The following POLH variants were observed in gnomAD, a reference collection of about 807,000 sequenced individuals.
POLH encodes DNA polymerase eta transcript.
A neutral mutation model predicts 73.6 loss-of-function variants in POLH; 53 were observed. The ratio of observed to expected loss-of-function variants is 0.72; its 90% CI spans 0.58 to 0.91. The LOEUF is 0.91. POLH is among the 40% of genes least tolerant of loss of function. POLH has a pLI of 0.00. For synonymous variants in POLH, 292 were observed against 308.5 expected (o/e 0.95, Z 0.56); for missense variants, 768 against 865.4 (o/e 0.89, Z 1.41).
At chr6:43,585,343 T>C (rs892577695) in intron 3 of POLH, among the ~76,000 whole-genome samples, 5 of 152,148 alleles carry the variant, frequency 3.3e-5, no homozygotes, top group South Asian at 2.1e-4. Flanking sequence ...GATTAAACCA[T>C]TGGCTATGGG....
rs559520159 is a variant in POLH at position 43,596,211 on chromosome 6, CGGT to C, written c.491-1482_491-1480del. Among the ~76,000 whole-genome samples, 571 of 152,242 alleles carry C rather than the reference CGGT, an allele frequency of 3.8e-3. 2 individuals carry two copies. Among genetic ancestry groups the C allele is most frequent in the Non-Finnish European group, 5.3e-3 (362 of 68,014 alleles). ...TTAAGGGGTAAGAGCTTGCCAGGCG[CGGT>C]GGCTCAGGCCTGTAATCCCAGCACT... On this transcript the variant is annotated intron_variant, in intron 4 of 10. Transcript: ENST00000372236.
Position 43,613,769 on chromosome 6 carries a change from C to A in POLH, c.1354C>A (p.Pro452Thr). The A allele has an allele frequency of 6.2e-7, 1 of 1,613,816 alleles. No individual in the cohort carries two copies. Among genetic ancestry groups the A allele is most frequent in the South Asian group, 1.1e-5 (1 of 91,058 alleles). Residue 452 changes from proline to threonine, a missense_variant, in exon 11 of 11, where the codon CCA becomes ACA. Pro to Thr is a conservative substitution (Grantham distance 38, BLOSUM62 -1). Transcript: ENST00000372236. The stretch of plus-strand genomic sequence containing the variant: ...CTTGAGCAGTGACCCAAGTTCTCTG[C>A]CAAAGGTGCCAGTTACCAGCTCAGA... ...SFLSSDPSSL[P>T]KVPVTSSEAK...
At chr6:43,595,376 C>T (rs1322395509) in intron 4 of POLH, among the ~76,000 whole-genome samples, 1 of 151,974 alleles carries the variant, frequency 6.6e-6, no homozygotes, top group Admixed American at 6.6e-5. Context: ...ACCTTGTGAT[C>T]TGCCTGCCTT....
At chr6:43,577,103 C>T (rs190821244) in intron 1 of POLH, among the ~76,000 whole-genome samples, 24 of 152,212 alleles carry the variant, frequency 1.6e-4, no homozygotes, top group African/African-American at 5.1e-4. Context: ...CGCTTGAACC[C>T]GGGAGGCGGA....
intron 4 of POLH, among the ~76,000 whole-genome samples, chr6:43,591,569 T>G (rs1765463200): frequency 6.6e-6 from 1 of 152,196 alleles, no homozygotes; most frequent in South Asian, 2.1e-4. Context: ...TCCATCTGCC[T>G]TGGCCTCCCA....
chr6:43,602,562 G>A (rs1766849645), intron 6 of POLH, among the ~76,000 whole-genome samples: 2 of 152,164 alleles, frequency 1.3e-5, no homozygotes, highest in South Asian at 4.1e-4. Flanking sequence ...AGTGAACTGG[G>A]ACCTAAAGTA....
intron 4 of POLH, 49 bp downstream of exon 4, chr6:43,587,538 C>T: frequency 7.6e-7 from 1 of 1,307,314 alleles, no homozygotes; most frequent in Non-Finnish European, 1.1e-6. Flanking sequence ...TTGGAACCTG[C>T]TTTGCTTGGT....
Position 43,603,889 on chromosome 6 carries a change from C to G in POLH, c.765-3C>G, listed in dbSNP as rs1767001564. 6.2e-7 allele frequency: 1 copy of G among 1,613,202 alleles called. No homozygotes were observed. The highest frequency in any genetic ancestry group is 1.3e-5 in the African/African-American group (1 of 74,900). On this transcript the variant is annotated splice_region_variant and splice_polypyrimidine_tract_variant and intron_variant, in intron 6 of 10. Coordinates refer to ENST00000372236, the MANE Select transcript of POLH (RefSeq NM_006502.3). ...ATCAATTCTTTGTCTCCTTTGTTATCAGCCGTAGTCTTGGAGGAAAGCTAG... is the reference window on the plus strand; with the variant it reads ...ATCAATTCTTTGTCTCCTTTGTTATGAGCCGTAGTCTTGGAGGAAAGCTAG...
chr6:43,593,553 A>G (rs1765700317), intron 4 of POLH, among the ~76,000 whole-genome samples: 1 of 152,154 alleles, frequency 6.6e-6, no homozygotes, highest in Non-Finnish European at 1.5e-5. Flanking sequence ...TGTGGTGGCA[A>G]TTCATTTCCA....
chr6:43,615,196 G>A lies in POLH; in HGVS notation c.*639G>A, dbSNP rs9333557. ...GAAGAATTGCTTTAACCTTGGAGGC[G>A]GAGGTTGCATTGAGCTGAGATCATG... On this transcript the variant is annotated 3_prime_UTR_variant, in exon 11 of 11. Transcript: ENST00000372236. 670 of 152,734 alleles carry A rather than the reference G, an allele frequency of 4.4e-3. 17 individuals are homozygous for A. Among genetic ancestry groups the A allele is most frequent in the Admixed American group, 0.042 (636 of 15,322 alleles). The allele number at this position is 152,734 out of a possible 1,614,324, so 9.5% of individuals were successfully genotyped here. A position where few individuals can be genotyped will look rare whatever the true frequency, so the allele number is the denominator to read the frequency against.
chr6:43,587,634 A>G (rs1764973582), intron 4 of POLH, 145 bp downstream of exon 4: 2 of 718,526 alleles, frequency 2.8e-6, no homozygotes, highest in African/African-American at 1.7e-5. Flanking sequence ...AGGATATACA[A>G]ATTTTCTTAT....
chr6:43,607,951 C>T (rs1056012826), intron 9 of POLH, among the ~76,000 whole-genome samples: 9 of 151,986 alleles, frequency 5.9e-5, no homozygotes, highest in African/African-American at 9.7e-5. Context: ...GCCAACATGG[C>T]GAAACCCTGT....
chr6:43,620,304 A>G lies in POLH; in HGVS notation c.*5747A>G, dbSNP rs751982017. On this transcript the variant is annotated 3_prime_UTR_variant, in exon 11 of 11. Transcript: ENST00000372236. Reference sequence around the variant, plus strand: ...CTTGAACTACGGAAAATAGGCCACAATACTTGGTTACAATACTGGAACTCT... The same window carrying G: ...CTTGAACTACGGAAAATAGGCCACAGTACTTGGTTACAATACTGGAACTCT... 2 of 516,698 alleles carry G rather than the reference A, an allele frequency of 3.9e-6. No individual in the cohort carries two copies. The highest frequency in any genetic ancestry group is 2.0e-5 in the Admixed American group (1 of 50,778). 32.0% of individuals were successfully genotyped at this position (516,698 alleles called of 1,614,324 possible).
intron 1 of POLH, among the ~76,000 whole-genome samples, chr6:43,581,803 C>G (rs1439838035): frequency 6.6e-6 from 1 of 150,852 alleles, no homozygotes; most frequent in Non-Finnish European, 1.5e-5. Context: ...GCCGCGCCAA[C>G]CACCACCCGC....
Position 43,605,257 on chromosome 6 carries a change from C to A in POLH, c.1012C>A (p.Gln338Lys). The A allele has an allele frequency of 6.4e-7, 1 of 1,561,142 alleles. No homozygotes were observed. Among genetic ancestry groups the A allele is most frequent in the Non-Finnish European group, 8.8e-7 (1 of 1,132,220 alleles). ...KTALATREQV[Q>K]WWLLQLAQEL... ...TAAAGTCTCAATACTTTTTTAGGTA[C>A]AATGGTGGCTGTTGCAATTAGCCCA... Residue 338 changes from glutamine (Q) to lysine (K), a missense_variant, in exon 9 of 11, where the codon CAA (glutamine) becomes AAA (lysine). By Grantham distance (53) the Gln-to-Lys change is moderately conservative. Coordinates refer to ENST00000372236, the MANE Select transcript of POLH (RefSeq NM_006502.3).
chr6:43,611,288 C>G (rs1767857335), intron 10 of POLH, among the ~76,000 whole-genome samples: 2 of 152,188 alleles, frequency 1.3e-5, no homozygotes, highest in Non-Finnish European at 2.9e-5. Context: ...GCTCAAATTT[C>G]AAGGATACAT....
intron 4 of POLH, among the ~76,000 whole-genome samples, chr6:43,592,381 C>T (rs1022213865): frequency 1.3e-5 from 2 of 151,656 alleles, no homozygotes; most frequent in Non-Finnish European, 2.9e-5. Flanking sequence ...CTCAGCCCTC[C>T]TGCATTTGCA....
At chr6:43,607,389 G>A (rs1767422691) in intron 9 of POLH, among the ~76,000 whole-genome samples, 3 of 152,168 alleles carry the variant, frequency 2.0e-5, no homozygotes, top group African/African-American at 2.4e-5. Context: ...CACTGCGCCC[G>A]GCCAGGACTG....
chr6:43,582,261 C>A, intron 1 of POLH, 55 bp from the exon 2 acceptor site: 1 of 1,532,210 alleles, frequency 6.5e-7, no homozygotes, highest in South Asian at 1.1e-5. Context: ...TACAGTTTTC[C>A]CTGGCATTTT....
Sources: gnomAD v4.1 joint callset for allele counts (sites outside exome capture counted in the v4.1 genomes callset) on GRCh38, gnomAD v4.1.1 for gene constraint, MANE v1.5 for transcripts, NCBI Gene and HGNC (gene_info 2026-07-23, HGNC 2026-07-21) for gene names.